The following SCUBE1 variants were observed in gnomAD, a reference collection of about 807,000 sequenced individuals.
SCUBE1 encodes signal peptide, CUB and EGF-like domain-containing protein 1.
In SCUBE1, 59 loss-of-function variants were observed where a neutral mutation model predicts 124.4. The ratio of observed to expected loss-of-function variants is 0.47; its 90% CI spans 0.38 to 0.59. The LOEUF is 0.59. Among genes scored for constraint, SCUBE1 ranks in the 20% least tolerant of loss-of-function variants. The pLI, the probability that SCUBE1 is intolerant of heterozygous loss-of-function variation, is 0.00. For synonymous variants in SCUBE1, 545 were observed against 550.9 expected (o/e 0.99, Z 0.15); for missense variants, 1,150 against 1,371.2 (o/e 0.84, Z 2.55).
chr22:43,343,096 G>A, intron 1 of SCUBE1, 78 bp downstream of exon 1: 5 of 673,306 alleles, frequency 7.4e-6, no homozygotes, highest in Non-Finnish European at 9.6e-6. Flanking sequence ...GATCCGCGGG[G>A]AAGAAGCCCT....
At chr22:43,245,730 G>A (rs944481300) in intron 6 of SCUBE1, among the ~76,000 whole-genome samples, 1 of 152,160 alleles carries the variant, frequency 6.6e-6, no homozygotes, top group Non-Finnish European at 1.5e-5. Flanking sequence ...ACCTTAGCCC[G>A]GCCCTGCTGA....
chr22:43,310,329 C>G (rs1449775880), intron 3 of SCUBE1, among the ~76,000 whole-genome samples: 1 of 152,154 alleles, frequency 6.6e-6, no homozygotes, highest in East Asian at 1.9e-4. Context: ...TGTTACCCCC[C>G]TCATTGGTGG....
chr22:43,289,579 T>C (rs6003140), intron 4 of SCUBE1, among the ~76,000 whole-genome samples: 2,271 of 152,334 alleles, frequency 0.015, 70 homozygotes, highest in African/African-American at 0.053. Flanking sequence ...TTTTAAATGT[T>C]TTTGCTTTCA....
chr22:43,211,079 G>A lies in SCUBE1; in HGVS notation c.2226C>T (p.His742=). The A allele has an allele frequency of 6.2e-7, 1 of 1,609,368 alleles. No homozygotes were observed. The highest frequency in any genetic ancestry group is 8.5e-7 in the Non-Finnish European group (1 of 1,177,756). ...TSFQDCEAKV[H]CSPGHHYNTT... is the part of the protein sequence containing the mutation. ...TGTTGTAGTGGTGGCCGGGGGAGCA[G>A]TGCACTGCCGGGGGACACAAGGCAG... The change falls in exon 18 of 22, where the codon CAC becomes CAT. Residue 742 remains histidine, a synonymous_variant. Coordinates refer to ENST00000360835, the MANE Select transcript of SCUBE1 (RefSeq NM_173050.5). The surrounding 1 kb of genome is among the most constrained non-coding windows in gnomAD (Gnocchi z 4.5).
chr22:43,266,557 T>C (rs1924074562), intron 4 of SCUBE1, among the ~76,000 whole-genome samples: 4 of 152,218 alleles, frequency 2.6e-5, no homozygotes, highest in African/African-American at 9.6e-5. Flanking sequence ...GTCTATCTTA[T>C]AGAGACAGAA....
intron 4 of SCUBE1, among the ~76,000 whole-genome samples, chr22:43,267,047 GAGGGAGACAC>G (rs1423132302): frequency 6.6e-6 from 1 of 152,186 alleles, no homozygotes; most frequent in African/African-American, 2.4e-5. Flanking sequence ...TGACAATATC[GAGGGAGACAC>G]AGGGAGGGTC....
At position 43,222,729 on chromosome 22, in the gene SCUBE1, G is replaced by C; in HGVS notation, c.1341C>G (p.Ser447Arg). 1 of 1,602,200 alleles carries C rather than the reference G, an allele frequency of 6.2e-7. No homozygotes were observed. The highest frequency in any genetic ancestry group is 8.5e-7 in the Non-Finnish European group (1 of 1,174,130). The change falls in exon 12 of 22, where the codon AGC becomes AGG. Residue 447 changes from serine (S) to arginine (R), a missense_variant. Around this residue, in one of 3 missense-constraint regions of SCUBE1, gnomAD observed 757 missense variants for 840.9 expected, o/e 0.90. Coordinates refer to ENST00000360835, the MANE Select transcript of SCUBE1 (RefSeq NM_173050.5). ...CTGGAACTCCGCAGCTCAGGACGTA[G>C]CTATTTTCCGAGTCTGCAGAGAAGC... is the stretch of plus-strand genomic sequence containing the variant. ...HTLFVPDSEN[S>R]YVLSCGVPGP...
At chr22:43,222,552 G>A (rs1295723520) in intron 12 of SCUBE1, 86 bp downstream of exon 12, 8 of 1,040,380 alleles carry the variant, frequency 7.7e-6, no homozygotes, top group Middle Eastern at 3.0e-4. Flanking sequence ...TTCCCTGGGC[G>A]GTGCCCTTTC....
chr22:43,207,541 A>T lies in SCUBE1; in HGVS notation c.2807T>A (p.Ile936Asn). ...TCCAATAAACTCACTCACTTTCAAA[A>T]TTTCCTGGTGGTTCTCCGAGGCGTA... ...RLYASENHQE[I>N]LKDKKLIKAL... The change falls in exon 21 of 22, where the codon ATT becomes AAT. Residue 936 changes from isoleucine to asparagine, a missense_variant. By Grantham distance (149) the Ile-to-Asn change is moderately radical. This residue lies in a region of SCUBE1 where 757 missense variants were observed against 840.9 expected (regional missense o/e 0.90). Coordinates refer to ENST00000360835, the MANE Select transcript of SCUBE1 (RefSeq NM_173050.5). The T allele has an allele frequency of 1.2e-6, 2 of 1,613,298 alleles. No homozygotes were observed. Among genetic ancestry groups the T allele is most frequent in the Non-Finnish European group, 1.7e-6 (2 of 1,179,338 alleles).
intron 2 of SCUBE1, among the ~76,000 whole-genome samples, chr22:43,329,354 A>C (rs370659064): frequency 4.7e-4 from 71 of 152,370 alleles, no homozygotes; most frequent in African/African-American, 1.7e-3. Context: ...GGAAACGAGG[A>C]GCACCCTGAG....
At chr22:43,214,060 C>CCCCT in intron 16 of SCUBE1, 30 bp downstream of exon 16, 1 of 540,042 alleles carries the variant, frequency 1.9e-6, no homozygotes, top group Non-Finnish European at 3.1e-6. Context: ...CACCCCCCAC[C>CCCCT]CCCACCTCTC....
At chr22:43,218,880 G>A (rs1356834539) in intron 14 of SCUBE1, among the ~76,000 whole-genome samples, 1 of 152,112 alleles carries the variant, frequency 6.6e-6, no homozygotes, top group Non-Finnish European at 1.5e-5. Flanking sequence ...CCTCCACTCT[G>A]ACACTCCCTG....
chr22:43,286,726 T>C (rs1290313193), intron 4 of SCUBE1, among the ~76,000 whole-genome samples: 1 of 152,234 alleles, frequency 6.6e-6, no homozygotes, highest in Non-Finnish European at 1.5e-5. Flanking sequence ...AGCTTCCCAG[T>C]GGACCATGCC....
rs747356840 is a variant in SCUBE1, at chr22:43,204,072, G to A, written c.2892C>T (p.Ser964=). ...QNYFKYTAQE[S]KEMFPRSFIK... is the part of the protein sequence containing the mutation. ...TGAAGGACCGTGGGAACATCTCCTT[G>A]GATTCCTGGGCTGTGTACTTGAAGT... Residue 964 remains serine (S), a synonymous_variant, in exon 22 of 22, where the codon TCC becomes TCT. Coordinates refer to ENST00000360835, the MANE Select transcript of SCUBE1 (RefSeq NM_173050.5). 2 of 1,614,070 alleles carry A rather than the reference G, an allele frequency of 1.2e-6. No homozygotes were observed. Among genetic ancestry groups the A allele is most frequent in the Non-Finnish European group, 1.7e-6 (2 of 1,179,990 alleles).
At chr22:43,333,652 T>C (rs1480035134) in intron 2 of SCUBE1, among the ~76,000 whole-genome samples, 1 of 152,180 alleles carries the variant, frequency 6.6e-6, no homozygotes, top group Non-Finnish European at 1.5e-5. Context: ...GATTAGTTGG[T>C]AAAGACAAAT....
chr22:43,267,728 C>T (rs878734), intron 4 of SCUBE1, among the ~76,000 whole-genome samples: 49,081 of 152,090 alleles, frequency 0.32, 8,274 homozygotes, highest in East Asian at 0.53. Context: ...GGAGCACCTG[C>T]GGTATCCTCT....
At chr22:43,302,237 T>C (rs1311759653) in intron 3 of SCUBE1, among the ~76,000 whole-genome samples, 1 of 152,186 alleles carries the variant, frequency 6.6e-6, no homozygotes, top group African/African-American at 2.4e-5. Context: ...CATGACGGGA[T>C]CCATGTTGGG....
At chr22:43,321,589 G>A (rs1273461682) in intron 2 of SCUBE1, among the ~76,000 whole-genome samples, 1 of 151,562 alleles carries the variant, frequency 6.6e-6, no homozygotes, top group African/African-American at 2.4e-5. Flanking sequence ...CTTGGTGTCC[G>A]TGCAGCCACT....
At chr22:43,332,187 C>A (rs1305447687) in intron 2 of SCUBE1, among the ~76,000 whole-genome samples, 1 of 152,080 alleles carries the variant, frequency 6.6e-6, no homozygotes, top group Admixed American at 6.5e-5. Flanking sequence ...ACTTGGGAGG[C>A]TGAGGTATGA....
Sources: allele counts gnomAD v4.1 joint callset (sites outside exome capture counted in the v4.1 genomes callset), GRCh38; gene constraint gnomAD v4.1.1; regional missense constraint gnomAD v4.1.1; non-coding constraint Gnocchi (gnomAD v3.1); transcripts MANE v1.5; gene names NCBI Gene and HGNC (gene_info 2026-07-23, HGNC 2026-07-21).